The following MARCHF6 variants were observed in gnomAD, a reference collection of about 807,000 sequenced individuals.
MARCHF6 encodes E3 ubiquitin-protein ligase MARCHF6.
A neutral mutation model predicts 133.7 loss-of-function variants in MARCHF6; 31 were observed. That is an observed-to-expected ratio of 0.23 (90% CI 0.17 to 0.31). The LOEUF (loss-of-function observed/expected upper bound fraction) is 0.31. Among genes scored for constraint, MARCHF6 ranks in the 10% least tolerant of loss-of-function variants. The pLI, the probability that MARCHF6 is intolerant of heterozygous loss-of-function variation, is 1.00. For synonymous variants in MARCHF6, 395 were observed against 402.5 expected, an observed-to-expected ratio of 0.98 and a Z score of 0.22; for missense variants, 723 against 1,121.6, an observed-to-expected ratio of 0.64 and a Z score of 5.08.
At chr5:10,405,809 GGTATTCAGT>G in intron 16 of MARCHF6, 132 bp downstream of exon 16, 1 of 687,760 alleles carries the variant, frequency 1.5e-6, no homozygotes, top group Non-Finnish European at 2.1e-6. Flanking sequence ...CTAAGCCTGT[GGTATTCAGT>G]TGTCAAGTAG....
intron 15 of MARCHF6, 36 bp from the exon 16 acceptor site, chr5:10,405,522 T>C (rs1738832873): frequency 1.3e-6 from 2 of 1,545,914 alleles, no homozygotes; most frequent in Non-Finnish European, 1.7e-6. Flanking sequence ...TTGAAGACAT[T>C]GGTGAATATT....
At chr5:10,428,616 A>G (rs369606413) in intron 24 of MARCHF6, among the ~76,000 whole-genome samples, 186 of 152,330 alleles carry the variant, frequency 1.2e-3, no homozygotes, top group African/African-American at 4.3e-3. Context: ...TGCTGGGATT[A>G]CAGGCATGAG....
intron 3 of MARCHF6, 91 bp downstream of exon 3, chr5:10,378,923 G>T (rs1272987188): frequency 2.7e-6 from 2 of 749,464 alleles, no homozygotes; most frequent in African/African-American, 1.8e-5. Context: ...GAGGAAGGGG[G>T]ATAAAAGTGC....
At chr5:10,426,291 A>C (rs987291520) in intron 23 of MARCHF6, 99 bp from the exon 24 acceptor site, 18 of 1,361,468 alleles carry the variant, frequency 1.3e-5, no homozygotes, top group Non-Finnish European at 1.8e-5. Flanking sequence ...CAGTTTGACT[A>C]TTTTTGGGTT....
rs1383164208 is a variant in MARCHF6, at chr5:10,415,400, TAATG to T, written c.1967-87_1967-84del. ...TATATCGAATGTGATATCTTTTTCCTAATGTGAAAATACTAACATAACAACATGA... is the reference window on the plus strand; with the variant it reads ...TATATCGAATGTGATATCTTTTTCCTTGAAAATACTAACATAACAACATGA... On this transcript the variant is annotated intron_variant, in intron 20 of 25. Coordinates refer to ENST00000274140, the MANE Select transcript of MARCHF6 (RefSeq NM_005885.4). 4.1e-6 allele frequency: 5 copies of T among 1,210,320 alleles called. No homozygotes were observed. In the East Asian group the frequency reaches 1.2e-4, roughly 28 times the overall value. The allele number at this position is 1,210,320 out of a possible 1,614,324, so 75.0% of individuals were successfully genotyped here.
chr5:10,402,250 A>G (rs554534415), intron 12 of MARCHF6, 111 bp downstream of exon 12: 2 of 1,090,816 alleles, frequency 1.8e-6, no homozygotes, highest in Admixed American at 3.9e-5. Flanking sequence ...AGTTGTAGGT[A>G]TTTGCAGTAA....
At chr5:10,388,260 G>A (rs777646274) in intron 5 of MARCHF6, among the ~76,000 whole-genome samples, 7 of 152,134 alleles carry the variant, frequency 4.6e-5, no homozygotes, top group Non-Finnish European at 2.9e-5. Flanking sequence ...GGTTTTAGCT[G>A]TCTTTTACAG....
intron 17 of MARCHF6, 128 bp from the exon 18 acceptor site, chr5:10,410,011 A>G: frequency 1.0e-6 from 1 of 983,068 alleles, no homozygotes; most frequent in Non-Finnish European, 1.5e-6. Context: ...ACTGAGTTGG[A>G]GAGAGAATGA....
intron 19 of MARCHF6, chr5:10,413,276 CA>C: frequency 6.6e-6 from 1 of 152,230 alleles, no homozygotes; most frequent in Non-Finnish European, 1.5e-5. Context: ...TCTCCGCAGA[CA>C]AAAAAGGCCT....
chr5:10,380,669 TAATTC>T (rs1737079595), intron 3 of MARCHF6, among the ~76,000 whole-genome samples: 1 of 152,200 alleles, frequency 6.6e-6, no homozygotes, highest in African/African-American at 2.4e-5. Flanking sequence ...CTCACCCCTG[TAATTC>T]CAGCACTTTG....
At chr5:10,354,418 C>G (rs1735316935) in intron 1 of MARCHF6, among the ~76,000 whole-genome samples, 3 of 152,268 alleles carry the variant, frequency 2.0e-5, no homozygotes, top group Non-Finnish European at 4.4e-5. Context: ...TGAGCTGACC[C>G]CTGTTGAAAA....
At chr5:10,374,087 T>C (rs908822421) in intron 1 of MARCHF6, among the ~76,000 whole-genome samples, 1 of 152,058 alleles carries the variant, frequency 6.6e-6, no homozygotes, top group South Asian at 2.1e-4. Flanking sequence ...AATTTGATTC[T>C]GCAGAGAGAG....
chr5:10,419,383 G>C (rs1282813327), intron 22 of MARCHF6, among the ~76,000 whole-genome samples: 3 of 152,312 alleles, frequency 2.0e-5, no homozygotes, highest in East Asian at 3.9e-4. Flanking sequence ...ATAGGCTAAT[G>C]TAAATGTTCC....
intron 9 of MARCHF6, among the ~76,000 whole-genome samples, chr5:10,397,050 A>G (rs905183467): frequency 1.2e-4 from 19 of 152,260 alleles, no homozygotes; most frequent in African/African-American, 4.1e-4. Flanking sequence ...GGAAGTGTTT[A>G]TAAATGAATT....
chr5:10,407,237 T>A, intron 17 of MARCHF6, 35 bp downstream of exon 17: 1 of 1,131,074 alleles, frequency 8.8e-7, no homozygotes, highest in Middle Eastern at 2.0e-4. Flanking sequence ...CTTTACTAAT[T>A]TATCTCTATT....
chr5:10,417,790 C>A (rs1004031579), intron 22 of MARCHF6, among the ~76,000 whole-genome samples: 2 of 149,160 alleles, frequency 1.3e-5, no homozygotes, highest in Non-Finnish European at 3.0e-5. Context: ...TTTTAAGCAG[C>A]TGGTTTAGAA....
At position 10,436,363 on chromosome 5, in the gene MARCHF6, C is replaced by T. The variant is rs1425621044; in HGVS notation, c.*2679C>T. 1 of 152,096 alleles carries T rather than the reference C, an allele frequency of 6.6e-6. No individual in the cohort carries two copies. Among genetic ancestry groups the T allele is most frequent in the African/African-American group, 2.4e-5 (1 of 41,410 alleles). 9.4% of individuals were successfully genotyped at this position (152,096 alleles called of 1,614,324 possible). On this transcript the variant is annotated 3_prime_UTR_variant, in exon 26 of 26. Transcript: ENST00000274140. ...AGTATTTTCATAGGGAAAGCATTTTCCAGCATAATATTTGCTTGGGTAGCA... is the reference window on the plus strand; with the variant it reads ...AGTATTTTCATAGGGAAAGCATTTTTCAGCATAATATTTGCTTGGGTAGCA...
Position 10,407,169 on chromosome 5 carries a change from C to T in MARCHF6, c.1520C>T (p.Pro507Leu), listed in dbSNP as rs956857108. 1.8e-5 allele frequency: 29 copies of T among 1,612,260 alleles called. No individual in the cohort carries two copies. The highest frequency in any genetic ancestry group is 2.5e-5 in the Non-Finnish European group (29 of 1,179,084). The stretch of plus-strand genomic sequence containing the variant: ...ATACGTATAATTAAGAGTGTGCTGC[C>T]TAATTTTCTTCCATACAATGTCATG... The part of the protein sequence containing the change: ...LPIRIIKSVL[P>L]NFLPYNVMLY... The change falls in exon 17 of 26, where the codon CCT (proline) becomes CTT (leucine). Residue 507 changes from proline (P) to leucine (L), a missense_variant. By Grantham distance (98) the Pro-to-Leu change is moderately conservative (BLOSUM62 -3). This residue lies in a region of MARCHF6 where 492 missense variants were observed against 699.5 expected (regional missense o/e 0.70). Coordinates refer to ENST00000274140, the MANE Select transcript of MARCHF6 (RefSeq NM_005885.4).
chr5:10,425,164 T>G (rs919734848), intron 23 of MARCHF6, among the ~76,000 whole-genome samples: 8 of 152,222 alleles, frequency 5.3e-5, no homozygotes, highest in Non-Finnish European at 1.0e-4. Context: ...AAAGTGCCTG[T>G]ATTTCAAGAT....
Sources: allele counts gnomAD v4.1 joint callset (sites outside exome capture counted in the v4.1 genomes callset), GRCh38; gene constraint gnomAD v4.1.1; regional missense constraint gnomAD v4.1.1; transcripts MANE v1.5; gene names NCBI Gene and HGNC (gene_info 2026-07-23, HGNC 2026-07-21).